PLXDC2: variants seen among roughly 807,000 people sequenced by gnomAD.
PLXDC2 encodes plexin domain containing 2.
A neutral mutation model predicts 68.9 loss-of-function variants in PLXDC2; 40 were observed. That is an observed-to-expected ratio of 0.58 (90% CI 0.45 to 0.76). PLXDC2 has a LOEUF of 0.76. Ranked by LOEUF, PLXDC2 falls within the 30% of genes least tolerant of loss-of-function variation. PLXDC2 has a pLI of 0.00. For missense variants in PLXDC2, 644 were observed against 661.9 expected (o/e 0.97, Z 0.30); for synonymous variants, 243 against 234.2 (o/e 1.04, Z -0.34).
chr10:20,179,664 A>G (rs1182671772), intron 9 of PLXDC2, among the ~76,000 whole-genome samples: 2 of 152,242 alleles, frequency 1.3e-5, no homozygotes, highest in East Asian at 1.9e-4. Flanking sequence ...TTGATGAAAT[A>G]TATGTTTAAA....
intron 1 of PLXDC2, among the ~76,000 whole-genome samples, chr10:19,919,789 A>C (rs971183668): frequency 3.3e-5 from 5 of 152,170 alleles, no homozygotes; most frequent in Admixed American, 3.3e-4. Context: ...AGACGATTCC[A>C]TTCTAGACAC....
intron 2 of PLXDC2, among the ~76,000 whole-genome samples, chr10:20,031,984 T>C (rs941561249): frequency 6.6e-6 from 1 of 152,054 alleles, no homozygotes; most frequent in Non-Finnish European, 1.5e-5. Flanking sequence ...CACGTCCAGC[T>C]AATTTTTTGT....
At chr10:20,081,654 A>G (rs1192339051) in intron 4 of PLXDC2, among the ~76,000 whole-genome samples, 2 of 152,202 alleles carry the variant, frequency 1.3e-5, no homozygotes, top group East Asian at 3.9e-4. Flanking sequence ...TTTGCCAACA[A>G]ACAAACAAAC....
intron 7 of PLXDC2, among the ~76,000 whole-genome samples, chr10:20,166,747 A>T (rs1445397367): frequency 1.3e-5 from 2 of 152,148 alleles, no homozygotes; most frequent in Non-Finnish European, 2.9e-5. Flanking sequence ...TTTTTTACAA[A>T]TGTAGTTTAA....
chr10:19,867,777 C>T (rs190282884), intron 1 of PLXDC2, among the ~76,000 whole-genome samples: 20 of 151,992 alleles, frequency 1.3e-4, no homozygotes, highest in African/African-American at 3.4e-4. Context: ...TCTCAATGTG[C>T]GAAGAAAGAT....
At chr10:20,179,965 C>T (rs531013642) in intron 9 of PLXDC2, among the ~76,000 whole-genome samples, 1 of 152,132 alleles carries the variant, frequency 6.6e-6, no homozygotes, top group South Asian at 2.1e-4. Context: ...TCACACCTGC[C>T]AGGTTGCAGG....
chr10:20,107,355 C>G (rs1833505855), intron 4 of PLXDC2, among the ~76,000 whole-genome samples: 1 of 151,972 alleles, frequency 6.6e-6, no homozygotes, highest in East Asian at 1.9e-4. Flanking sequence ...ACAAATATTC[C>G]TCGAAGGCTG....
intron 3 of PLXDC2, among the ~76,000 whole-genome samples, chr10:20,055,456 C>A (rs1007822700): frequency 3.3e-5 from 5 of 151,946 alleles, no homozygotes; most frequent in African/African-American, 1.2e-4. Context: ...GCTCATTTTT[C>A]AAAATGATTA....
intron 1 of PLXDC2, among the ~76,000 whole-genome samples, chr10:19,854,887 G>GA (rs1215532624): frequency 6.6e-6 from 1 of 152,180 alleles, no homozygotes; most frequent in Non-Finnish European, 1.5e-5. Context: ...TCCACTGCGA[G>GA]AAAAATGTGT....
intron 9 of PLXDC2, among the ~76,000 whole-genome samples, chr10:20,195,811 A>G (rs911622850): frequency 6.6e-6 from 1 of 152,164 alleles, no homozygotes; most frequent in African/African-American, 2.4e-5. Flanking sequence ...GATGTTCCCG[A>G]GGAAGATAGA....
intron 2 of PLXDC2, among the ~76,000 whole-genome samples, chr10:20,015,045 G>A (rs990769580): frequency 3.9e-5 from 6 of 152,180 alleles, no homozygotes; most frequent in African/African-American, 7.2e-5. Flanking sequence ...GAAGCAGTCC[G>A]TGAGATAAAG....
At chr10:20,036,377 G>T (rs940332933) in intron 2 of PLXDC2, among the ~76,000 whole-genome samples, 5 of 152,146 alleles carry the variant, frequency 3.3e-5, no homozygotes, top group Admixed American at 2.6e-4. Flanking sequence ...CAGGAGGAGA[G>T]CCCTCAATGA....
In PLXDC2 at chr10:20,288,430, C is replaced by G. The variant is rs191990119; in HGVS notation, c.*8611C>G. ...ATAACCAGCCCATACTTCTCGGTGA[C>G]CTTCTGTTGAACGTACCTGAGCCTG... On this transcript the variant is annotated 3_prime_UTR_variant, in exon 14 of 14. Transcript: ENST00000377252. 6.6e-5 allele frequency: 10 copies of G among 151,942 alleles called. No homozygotes were observed. The highest frequency in any genetic ancestry group is 2.4e-4 in the African/African-American group (10 of 41,420). 9.4% of individuals were successfully genotyped at this position (151,942 alleles called of 1,614,324 possible). A position where few individuals can be genotyped will look rare whatever the true frequency, so the allele number is the denominator to read the frequency against.
At chr10:19,963,461 A>G (rs1834195160) in intron 1 of PLXDC2, among the ~76,000 whole-genome samples, 1 of 152,200 alleles carries the variant, frequency 6.6e-6, no homozygotes, top group Non-Finnish European at 1.5e-5. Flanking sequence ...GCCACAATAA[A>G]CATATGTGTG....
At chr10:20,174,216 G>A (rs541271465) in intron 7 of PLXDC2, among the ~76,000 whole-genome samples, 1 of 151,974 alleles carries the variant, frequency 6.6e-6, no homozygotes, top group African/African-American at 2.4e-5. Context: ...GAACTTAATT[G>A]TTTAGCAAAA....
intron 1 of PLXDC2, among the ~76,000 whole-genome samples, chr10:19,883,884 C>CG (rs1837786499): frequency 1.8e-5 from 1 of 55,090 alleles, no homozygotes; most frequent in Non-Finnish European, 3.1e-5. Flanking sequence ...TCCCTTTAAA[C>CG]TTTTTTTTTT....
At chr10:20,038,770 A>G (rs528072947) in intron 2 of PLXDC2, among the ~76,000 whole-genome samples, 1 of 152,204 alleles carries the variant, frequency 6.6e-6, no homozygotes, top group African/African-American at 2.4e-5. Flanking sequence ...GATTAAAAAA[A>G]TTAATGTGAC....
At chr10:20,248,087 C>A (rs1168161821) in intron 13 of PLXDC2, among the ~76,000 whole-genome samples, 1 of 152,212 alleles carries the variant, frequency 6.6e-6, no homozygotes. Context: ...TAACCCCTCA[C>A]ACGTTTAAGC....
intron 10 of PLXDC2, among the ~76,000 whole-genome samples, chr10:20,214,383 A>G (rs976842777): frequency 1.3e-5 from 2 of 151,954 alleles, no homozygotes; most frequent in African/African-American, 4.8e-5. Flanking sequence ...GATCCTCAGG[A>G]TTTTCAGGCT....
Sources: gnomAD v4.1 joint callset for allele counts (sites outside exome capture counted in the v4.1 genomes callset) on GRCh38, gnomAD v4.1.1 for gene constraint, MANE v1.5 for transcripts, NCBI Gene and HGNC (gene_info 2026-07-23, HGNC 2026-07-21) for gene names.